The following CZIB variants were observed in gnomAD, a reference collection of about 807,000 sequenced individuals.
CZIB encodes the protein CXXC motif containing zinc binding protein.
CZIB carries 26 observed loss-of-function variants against 28.3 expected under a neutral mutation model. The observed-to-expected ratio is 0.92, with a 90% CI of 0.67 to 1.27. The LOEUF (loss-of-function observed/expected upper bound fraction) is 1.27, where lower values mean the gene tolerates loss of function less well. Ranked by LOEUF, CZIB falls within the 50% of genes most tolerant of loss-of-function variation. The probability of loss-of-function intolerance (pLI) is 0.00; values close to 1 mark genes in which losing one functional copy is unlikely to be tolerated. For missense variants in CZIB, 179 were observed against 197.3 expected (o/e 0.91, Z 0.56); for synonymous variants, 78 against 71.1 (o/e 1.10, Z -0.49).
intron 2 of CZIB, chr1:53,219,985 C>A: frequency 2.2e-6 from 1 of 445,998 alleles, no homozygotes; most frequent in South Asian, 3.7e-5. Context: ...TAAATAATCA[C>A]AAGCGTCCCT....
At position 53,219,323 on chromosome 1, in the gene CZIB, G is replaced by C. The variant is rs1198448246; in HGVS notation, c.91-400C>G. The stretch of plus-strand genomic sequence containing the variant: ...TGACTATAGCTGACAATAATATATA[G>C]TTTCAAATAGCTAGGATATTAAATG... On this transcript the variant is annotated intron_variant, in intron 2 of 7. Transcript: ENST00000294360. 5 of 206,152 alleles carry C rather than the reference G, an allele frequency of 2.4e-5. No homozygotes were observed. The East Asian group carries it at 5.8e-4, about 24-fold the overall frequency. The allele number at this position is 206,152 out of a possible 1,614,324, so 12.8% of individuals were successfully genotyped here. A position where few individuals can be genotyped will look rare whatever the true frequency, so the allele number is the denominator to read the frequency against.
Position 53,214,547 on chromosome 1 carries a change from T to G in CZIB, c.*112A>C. On this transcript the variant is annotated 3_prime_UTR_variant, in exon 8 of 8. Transcript: ENST00000294360. ...AGTCCAGCATGCAGATTGTGAAGGT[T>G]TCGTATAGCCACCAGGAGACAAGGG... is the stretch of plus-strand genomic sequence containing the variant. 1 of 853,138 alleles carries G rather than the reference T, an allele frequency of 1.2e-6. No homozygotes were observed. The highest frequency in any genetic ancestry group is 1.9e-6 in the Non-Finnish European group (1 of 534,368). 52.8% of individuals were successfully genotyped at this position (853,138 alleles called of 1,614,324 possible).
At chr1:53,218,518 T>TTCAG in intron 3 of CZIB, 23 bp from the exon 4 acceptor site, 2 of 1,610,838 alleles carry the variant, frequency 1.2e-6, no homozygotes, top group Non-Finnish European at 1.7e-6. Context: ...AAACAGAACT[T>TTCAG]TCAGTCACAT....
intron 3 of CZIB, 56 bp from the exon 4 acceptor site, chr1:53,218,551 A>C (rs1168297476): frequency 1.3e-5 from 20 of 1,541,442 alleles, no homozygotes; most frequent in Non-Finnish European, 1.8e-5. Context: ...TACAGTCCTG[A>C]GGAGATCGAG....
intron 2 of CZIB, chr1:53,219,505 G>A (rs1645504256): frequency 6.5e-6 from 1 of 153,940 alleles, no homozygotes; most frequent in Admixed American, 6.4e-5. Context: ...GGCCTCAGCA[G>A]GCCCCCGACC....
chr1:53,215,137 C>T (rs528984332), intron 7 of CZIB, among the ~76,000 whole-genome samples: 75 of 152,102 alleles, frequency 4.9e-4, no homozygotes, highest in African/African-American at 1.6e-3. Context: ...GTCAGGGGTC[C>T]GAGACCATCC....
At chr1:53,216,989 T>C (rs1028142256) in intron 5 of CZIB, 130 bp from the exon 6 acceptor site, 5 of 763,882 alleles carry the variant, frequency 6.5e-6, no homozygotes, top group Non-Finnish European at 6.7e-6. Flanking sequence ...GAAGAACTCA[T>C]CCCCTTCTTA....
rs74086817 is a variant in CZIB at position 53,217,816 on chromosome 1, T to C, written c.261+356A>G. 1.2e-3 allele frequency: 305 copies of C among 260,134 alleles called. 1 individual carries two copies. Among genetic ancestry groups the C allele is most frequent in the African/African-American group, 6.4e-3 (290 of 45,032 alleles). 16.1% of individuals were successfully genotyped at this position (260,134 alleles called of 1,614,324 possible). A position where few individuals can be genotyped will look rare whatever the true frequency, so the allele number is the denominator to read the frequency against. On this transcript the variant is annotated intron_variant, in intron 5 of 7. Transcript: ENST00000294360. The stretch of plus-strand genomic sequence containing the variant: ...TGGGCTAACTTGTTAACACTGATGA[T>C]ATAAAGGATGGGATGCACCAAACGA...
intron 5 of CZIB, 45 bp downstream of exon 5, chr1:53,218,127 T>G: frequency 6.2e-7 from 1 of 1,602,052 alleles, no homozygotes. Context: ...TAACTCCAGT[T>G]AGGATTTAAG....
At chr1:53,215,876 C>T in intron 7 of CZIB, 115 bp downstream of exon 7, 1 of 1,085,598 alleles carries the variant, frequency 9.2e-7, no homozygotes, top group South Asian at 1.4e-5. Context: ...AGCAAAATCA[C>T]TAACAAAAAG....
rs755081542 is a variant in CZIB, at chr1:53,220,366, ACTGCGTCAGCCGTGC to A, written c.7-37_7-23del. 1.4e-5 allele frequency: 22 copies of A among 1,608,938 alleles called. No individual in the cohort carries two copies. The East Asian group carries it at 4.9e-4, about 36-fold the overall frequency. ...TTTTCTGAGGGGGAGGGCCAGAGCG[ACTGCGTCAGCCGTGC>A]CTGCGCAGCCCCACGCCTGCCCGAC... On this transcript the variant is annotated intron_variant, in intron 1 of 7. Coordinates refer to ENST00000294360, the MANE Select transcript of CZIB (RefSeq NM_017887.3).
At chr1:53,217,031 T>C (rs976368387) in intron 5 of CZIB, 172 bp from the exon 6 acceptor site, 8 of 591,730 alleles carry the variant, frequency 1.4e-5, no homozygotes, top group Non-Finnish European at 2.4e-5. Context: ...CTGCTCCCTA[T>C]GAAGCTTTCT....
rs575479862 is a variant in CZIB at position 53,216,787 on chromosome 1, G to C, written c.334C>G (p.Pro112Ala). 2 of 1,613,938 alleles carry C rather than the reference G, an allele frequency of 1.2e-6. No homozygotes were observed. Among genetic ancestry groups the C allele is most frequent in the African/African-American group, 2.7e-5 (2 of 75,026 alleles). ...CRGLEPVDFQPQAGFAAEGVE... is the reference protein window; with the variant it reads ...CRGLEPVDFQAQAGFAAEGVE... Reference sequence around the variant, plus strand: ...CCAGAAAGATACACACACACCTGCGGCTGGAAATCAACTGGTTCAAGGCCC... The same window carrying C: ...CCAGAAAGATACACACACACCTGCGCCTGGAAATCAACTGGTTCAAGGCCC... Residue 112 changes from proline to alanine, a missense_variant, in exon 6 of 8, where the codon CCG (proline) becomes GCG (alanine). Transcript: ENST00000294360.
chr1:53,220,247 CG>C lies in CZIB; in HGVS notation c.90+13del. On this transcript the variant is annotated intron_variant, in intron 2 of 7. Coordinates refer to ENST00000294360, the MANE Select transcript of CZIB (RefSeq NM_017887.3). ...GGACGGGCCTCCTCTCCCCGGGCCC[CG>C]CCCCGGCCGCACCTTCAGGTACCAC... 6.2e-7 allele frequency: 1 copy of C among 1,611,254 alleles called. No individual in the cohort carries two copies.
chr1:53,215,702 T>C (rs1355179789), intron 7 of CZIB, among the ~76,000 whole-genome samples: 1 of 152,224 alleles, frequency 6.6e-6, no homozygotes, highest in Non-Finnish European at 1.5e-5. Context: ...AGATAACTTA[T>C]TTAATATATA....
In CZIB at chr1:53,214,390, T is replaced by C. The variant is rs1557720529; in HGVS notation, c.*269A>G. 1 of 408,286 alleles carries C rather than the reference T, an allele frequency of 2.4e-6. No individual in the cohort carries two copies. The highest frequency in any genetic ancestry group is 4.4e-6 in the Non-Finnish European group (1 of 224,814). 25.3% of individuals were successfully genotyped at this position (408,286 alleles called of 1,614,324 possible). On this transcript the variant is annotated 3_prime_UTR_variant, in exon 8 of 8. Transcript: ENST00000294360. ...CCATCTCCTTAAAAATACTCTTCAT[T>C]TTCCTAAGGAGTGAACTGCTGCTGC...
intron 5 of CZIB, chr1:53,217,163 C>A: frequency 6.7e-6 from 2 of 299,200 alleles, no homozygotes; most frequent in Non-Finnish European, 1.3e-5. Context: ...TCAAATAGAG[C>A]CGAGGAAACC....
At chr1:53,215,815 A>G (rs142808805) in intron 7 of CZIB, among the ~76,000 whole-genome samples, 176 bp downstream of exon 7, 193 of 152,338 alleles carry the variant, frequency 1.3e-3, no homozygotes, top group African/African-American at 4.4e-3. Flanking sequence ...GCTTTCTCAT[A>G]CGTAGGAACA....
chr1:53,220,241 G>A lies in CZIB; in HGVS notation c.90+20C>T, dbSNP rs752120922. The A allele has an allele frequency of 6.8e-6, 11 of 1,609,182 alleles. No homozygotes were observed. Among genetic ancestry groups the A allele is most frequent in the South Asian group, 6.6e-5 (6 of 90,972 alleles). ...AGATCAGGACGGGCCTCCTCTCCCC[G>A]GGCCCCGCCCCGGCCGCACCTTCAG... On this transcript the variant is annotated intron_variant, in intron 2 of 7. Coordinates refer to ENST00000294360, the MANE Select transcript of CZIB (RefSeq NM_017887.3).
Sources: gnomAD v4.1 joint callset for allele counts (sites outside exome capture counted in the v4.1 genomes callset) on GRCh38, gnomAD v4.1.1 for gene constraint, MANE v1.5 for transcripts, NCBI Gene and HGNC (gene_info 2026-07-23, HGNC 2026-07-21) for gene names.